Variants in CRTC1 observed in about 807,000 individuals in gnomAD.
CRTC1 encodes the protein CREB regulated transcription coactivator 1.
A neutral mutation model predicts 66.1 loss-of-function variants in CRTC1; 18 were observed. The ratio of observed to expected loss-of-function variants is 0.27; its 90% CI spans 0.19 to 0.40. CRTC1 has a LOEUF of 0.40. Ranked by LOEUF, CRTC1 falls within the 10% of genes least tolerant of loss-of-function variation. CRTC1 has a pLI of 1.00. For missense variants in CRTC1, 669 were observed against 887.9 expected, an observed-to-expected ratio of 0.75 and a Z score of 3.13; for synonymous variants, 416 against 398.8, an observed-to-expected ratio of 1.04 and a Z score of -0.51.
intron 9 of CRTC1, among the ~76,000 whole-genome samples, chr19:18,767,013 T>C (rs1333162367): frequency 6.6e-6 from 1 of 152,204 alleles, no homozygotes; most frequent in Non-Finnish European, 1.5e-5. Flanking sequence ...TTAGCTCAAA[T>C]GTGTTGGGAA....
At chr19:18,703,324 C>T (rs1258694071) in intron 1 of CRTC1, among the ~76,000 whole-genome samples, 1 of 151,996 alleles carries the variant, frequency 6.6e-6, no homozygotes, top group Non-Finnish European at 1.5e-5. Flanking sequence ...TGAGCCACCG[C>T]TCCTGGCCCA....
chr19:18,767,878 C>T (rs762194383), intron 9 of CRTC1, among the ~76,000 whole-genome samples: 11 of 152,230 alleles, frequency 7.2e-5, no homozygotes, highest in Non-Finnish European at 1.5e-4. Context: ...GCAGGGACCC[C>T]ACCTTTCCCA....
At chr19:18,689,682 A>G (rs2052782913) in intron 1 of CRTC1, among the ~76,000 whole-genome samples, 1 of 147,404 alleles carries the variant, frequency 6.8e-6, no homozygotes, top group East Asian at 2.1e-4. Flanking sequence ...GGCATGGCTC[A>G]GTAATAGTTC....
chr19:18,733,472 G>C (rs1181598750), intron 1 of CRTC1, among the ~76,000 whole-genome samples: 1 of 152,250 alleles, frequency 6.6e-6, no homozygotes, highest in Non-Finnish European at 1.5e-5. Context: ...TTCCGAGGCA[G>C]GCCTGGTGTT....
intron 1 of CRTC1, among the ~76,000 whole-genome samples, chr19:18,730,029 A>G (rs2053849877): frequency 6.6e-6 from 1 of 152,146 alleles, no homozygotes. Context: ...GCACTTAGCC[A>G]TGCAGCTCCC....
At chr19:18,775,900 C>A in intron 13 of CRTC1, 79 bp downstream of exon 13, 1 of 1,423,384 alleles carries the variant, frequency 7.0e-7, no homozygotes, top group East Asian at 2.4e-5. Flanking sequence ...ACTGCTGTCC[C>A]GCAGCAGGAG....
intron 2 of CRTC1, chr19:18,744,227 C>T (rs1391770402): frequency 1.3e-5 from 19 of 1,467,968 alleles, no homozygotes; most frequent in Admixed American, 5.8e-5. Flanking sequence ...CGTGTGCGGG[C>T]GCTGGGGATC....
At chr19:18,694,594 G>A (rs573924499) in intron 1 of CRTC1, among the ~76,000 whole-genome samples, 7 of 151,712 alleles carry the variant, frequency 4.6e-5, no homozygotes, top group African/African-American at 9.7e-5. Context: ...CACCATGCCC[G>A]GCTAATTTTT....
Position 18,749,967 on chromosome 19 carries a change from A to G in CRTC1, c.538+92A>G. On this transcript the variant is annotated intron_variant, in intron 5 of 13. Transcript: ENST00000321949. ...CAGGAGGTCACAAGCTTGTGGGCAG[A>G]TGGCTCTTCAAAGGAAGACTCAGAC... The G allele has an allele frequency of 7.2e-6, 7 of 976,802 alleles. No individual in the cohort carries two copies. The South Asian group carries it at 9.5e-5, about 13-fold the overall frequency. 60.5% of individuals were successfully genotyped at this position (976,802 alleles called of 1,614,324 possible).
At chr19:18,757,517 C>A (rs2054516325) in intron 6 of CRTC1, among the ~76,000 whole-genome samples, 1 of 152,168 alleles carries the variant, frequency 6.6e-6, no homozygotes, top group Non-Finnish European at 1.5e-5. Flanking sequence ...CCTCAGAAGC[C>A]CTTGGAGGTA....
intron 8 of CRTC1, among the ~76,000 whole-genome samples, chr19:18,764,940 A>G (rs1318172318): frequency 6.6e-6 from 1 of 152,130 alleles, no homozygotes; most frequent in African/African-American, 2.4e-5. Flanking sequence ...AAAAAAAACC[A>G]TTTATTGTCT....
rs2053545941 is a variant in CRTC1 at position 18,718,017 on chromosome 19, CAT to C, written c.127-24891_127-24890del. Among the ~76,000 whole-genome samples the C allele has an allele frequency of 1.3e-5, 2 of 152,196 alleles. 1 individual carries two copies. The highest frequency in any genetic ancestry group is 4.1e-4 in the South Asian group (2 of 4,828). The stretch of plus-strand genomic sequence containing the variant: ...TATTGTTGAGGTGAACACCACATAA[CAT>C]AAGATTCACCATCTGAAAGTGAACA... On this transcript the variant is annotated intron_variant, in intron 1 of 13. Transcript: ENST00000321949.
chr19:18,744,052 C>T, intron 2 of CRTC1: 2 of 1,602,272 alleles, frequency 1.2e-6, no homozygotes, highest in Middle Eastern at 1.7e-4. Context: ...CGCATCCCGC[C>T]TTTGGGGCCA....
rs2055048103 is a variant in CRTC1, at chr19:18,778,798, A to T, written c.*1416A>T. On this transcript the variant is annotated 3_prime_UTR_variant, in exon 14 of 14. Transcript: ENST00000321949. ...GACGAGGACCACGGTCCTCCCTGAG[A>T]ACCTGGGTGGAACTGGCATTTCATC... The T allele has an allele frequency of 4.3e-6, 1 of 231,216 alleles. No individual in the cohort carries two copies. The highest frequency in any genetic ancestry group is 8.6e-6 in the Non-Finnish European group (1 of 116,844). 14.3% of individuals were successfully genotyped at this position (231,216 alleles called of 1,614,324 possible).
intron 1 of CRTC1, among the ~76,000 whole-genome samples, chr19:18,687,011 C>CT (rs35032428): frequency 0.43 from 44,676 of 103,370 alleles, 12,772 homozygotes; most frequent in African/African-American, 0.78. Flanking sequence ...GACTGAGAAA[C>CT]TTTTTTTTTT....
intron 1 of CRTC1, among the ~76,000 whole-genome samples, chr19:18,708,581 C>T (rs970507284): frequency 6.6e-6 from 1 of 152,142 alleles, no homozygotes; most frequent in Non-Finnish European, 1.5e-5. Context: ...TGGGGCATCA[C>T]AGGGAATGTT....
chr19:18,762,458 C>T (rs1038122021), intron 8 of CRTC1, among the ~76,000 whole-genome samples: 5 of 152,244 alleles, frequency 3.3e-5, no homozygotes, highest in African/African-American at 9.6e-5. Flanking sequence ...CCTCCCTCCT[C>T]GCAAGCCCAC....
At chr19:18,725,150 C>T (rs1056585741) in intron 1 of CRTC1, among the ~76,000 whole-genome samples, 1 of 152,160 alleles carries the variant, frequency 6.6e-6, no homozygotes, top group East Asian at 1.9e-4. Context: ...TCTAGGCCAG[C>T]GTCCCTGTGC....
intron 1 of CRTC1, among the ~76,000 whole-genome samples, chr19:18,709,783 C>T (rs78988515): frequency 0.024 from 3,659 of 152,240 alleles, 149 homozygotes; most frequent in African/African-American, 0.084. Flanking sequence ...CTGAGGGCTC[C>T]GAGGGCTGAG....
Sources: gnomAD v4.1 joint callset for allele counts (sites outside exome capture counted in the v4.1 genomes callset) on GRCh38, gnomAD v4.1.1 for gene constraint, MANE v1.5 for transcripts, NCBI Gene and HGNC (gene_info 2026-07-23, HGNC 2026-07-21) for gene names.